The following DARS2 variants were observed in gnomAD, a reference collection of about 807,000 sequenced individuals.
DARS2 encodes the protein aspartate--tRNA ligase, mitochondrial.
DARS2 carries 63 observed loss-of-function variants against 83.0 expected under a neutral mutation model. The ratio of observed to expected loss-of-function variants is 0.76; its 90% confidence interval spans 0.62 to 0.94. The LOEUF is 0.94. DARS2 is among the 40% of genes least tolerant of loss of function. The pLI is 0.00. For missense variants in DARS2, 675 were observed against 774.4 expected (o/e 0.87, Z 1.52); for synonymous variants, 250 against 269.3 (o/e 0.93, Z 0.70).
rs1289966393 is a variant in DARS2 at position 173,829,051 on chromosome 1, G to A, written c.294+652G>A. Among the ~76,000 whole-genome samples the A allele has an allele frequency of 2.6e-5, 4 of 151,996 alleles. No individual in the cohort carries two copies. The East Asian group carries it at 7.7e-4, about 29-fold the overall frequency. Reference sequence around the variant, plus strand: ...CAGCCGTACAAAAAAGAATGAAGAAGTTCTATTCTAATAGGGAAAAAAAAA... The same window carrying A: ...CAGCCGTACAAAAAAGAATGAAGAAATTCTATTCTAATAGGGAAAAAAAAA... On this transcript the variant is annotated intron_variant, in intron 3 of 16. Coordinates refer to ENST00000649689, the MANE Select transcript of DARS2 (RefSeq NM_018122.5).
In DARS2 at chr1:173,838,184, T is replaced by C. The variant is rs1389169847; in HGVS notation, c.771-6T>C. The C allele has an allele frequency of 3.7e-6, 6 of 1,609,174 alleles. No homozygotes were observed. Among genetic ancestry groups the C allele is most frequent in the Non-Finnish European group, 3.4e-6 (4 of 1,175,574 alleles). ...TAACTCAATTAATGCTATTTCTCAA[T>C]TGTAGATATTTTCAGGTTGCCCGAT... On this transcript the variant is annotated splice_polypyrimidine_tract_variant and splice_region_variant and intron_variant, in intron 8 of 16. Coordinates refer to ENST00000649689, the MANE Select transcript of DARS2 (RefSeq NM_018122.5).
At chr1:173,833,308 C>A in intron 5 of DARS2, 68 bp from the exon 6 acceptor site, 1 of 1,437,764 alleles carries the variant, frequency 7.0e-7, no homozygotes, top group Non-Finnish European at 9.3e-7. Context: ...AATTCAAACT[C>A]TTTCTAAAGA....
chr1:173,856,574 AAC>A, intron 15 of DARS2, 90 bp from the exon 16 acceptor site: 1 of 1,162,460 alleles, frequency 8.6e-7, no homozygotes, highest in Non-Finnish European at 1.3e-6. Flanking sequence ...TTTAAAACTC[AAC>A]TTTGTTTCCC....
At chr1:173,847,604 T>C (rs1653483679) in intron 12 of DARS2, among the ~76,000 whole-genome samples, 1 of 152,192 alleles carries the variant, frequency 6.6e-6, no homozygotes, top group South Asian at 2.1e-4. Context: ...GGCATACACA[T>C]GGTTCAAAAA....
At chr1:173,841,175 G>T (rs1394809361) in intron 11 of DARS2, among the ~76,000 whole-genome samples, 1 of 152,076 alleles carries the variant, frequency 6.6e-6, no homozygotes, top group African/African-American at 2.4e-5. Flanking sequence ...AGGAGTTCAA[G>T]ACCAGCCTGG....
At chr1:173,839,631 C>T in intron 10 of DARS2, 85 bp downstream of exon 10, 1 of 1,285,872 alleles carries the variant, frequency 7.8e-7, no homozygotes, top group Non-Finnish European at 1.1e-6. Context: ...AAGTGTTACA[C>T]ACTGTTAGAT....
rs1434559813 is a variant in DARS2, at chr1:173,853,834, G to T, written c.1603G>T (p.Glu535Ter). The change falls in exon 15 of 17, where the codon GAA (glutamate) becomes TAA (stop). Residue 535 changes from glutamate (E) to a stop codon, truncating the protein, a stop_gained. Transcript: ENST00000649689. LOFTEE classifies it high-confidence loss of function. ...QHYDLVLNGN[E>*]IGGGSIRIHN... is the part of the protein sequence containing the mutation. ...CTATGACTTGGTTTTAAATGGCAAT[G>T]AAATAGGAGGTGGTTCAATTCGAAT... is the stretch of plus-strand genomic sequence containing the variant. The T allele has an allele frequency of 4.3e-6, 7 of 1,614,064 alleles. No individual in the cohort carries two copies. The highest frequency in any genetic ancestry group is 5.9e-6 in the Non-Finnish European group (7 of 1,180,052).
chr1:173,855,537 A>G (rs1420921402), intron 15 of DARS2, among the ~76,000 whole-genome samples: 4 of 152,124 alleles, frequency 2.6e-5, no homozygotes, highest in African/African-American at 4.8e-5. Flanking sequence ...TGGCATGATC[A>G]TAACTTAGGG....
intron 13 of DARS2, among the ~76,000 whole-genome samples, chr1:173,850,985 C>T (rs1240991216): frequency 6.6e-6 from 1 of 151,902 alleles, no homozygotes; most frequent in Non-Finnish European, 1.5e-5. Flanking sequence ...CGCCTGTAAT[C>T]CCAGCACTTT....
chr1:173,828,227 A>G (rs1422217702), intron 2 of DARS2, 106 bp from the exon 3 acceptor site: 7 of 1,110,052 alleles, frequency 6.3e-6, no homozygotes, highest in Non-Finnish European at 9.2e-6. Flanking sequence ...AAAAAGAAAC[A>G]TGAAAAATTG....
chr1:173,857,657 T>C lies in DARS2; in HGVS notation c.1890T>C (p.His630=). The stretch of plus-strand genomic sequence containing the variant: ...CTCCTGAGGAACTGAAGCCCTATCA[T>C]ATCCGAGTCTCCAAGCCAACAGACT... The part of the protein sequence containing the change: ...SVPPEELKPY[H]IRVSKPTDSK... Residue 630 remains histidine (H), a synonymous_variant, in exon 17 of 17, where the codon CAT becomes CAC. Transcript: ENST00000649689. The C allele has an allele frequency of 6.2e-7, 1 of 1,614,120 alleles. No individual in the cohort carries two copies. The highest frequency in any genetic ancestry group is 8.5e-7 in the Non-Finnish European group (1 of 1,180,004).
intron 5 of DARS2, among the ~76,000 whole-genome samples, chr1:173,833,022 C>A (rs983578302): frequency 6.6e-6 from 1 of 152,100 alleles, no homozygotes; most frequent in African/African-American, 2.4e-5. Flanking sequence ...AGGCACATGC[C>A]ACCATGCCCA....
intron 1 of DARS2, among the ~76,000 whole-genome samples, chr1:173,826,188 C>A (rs1652548949): frequency 6.6e-6 from 1 of 150,778 alleles, no homozygotes; most frequent in African/African-American, 2.4e-5. Flanking sequence ...CGCGCCACTG[C>A]ACTCCAGCCT....
Position 173,858,079 on chromosome 1 carries a change from C to T in DARS2, c.*374C>T. 3.6e-6 allele frequency: 1 copy of T among 277,680 alleles called. No homozygotes were observed. Among genetic ancestry groups the T allele is most frequent in the Non-Finnish European group, 7.1e-6 (1 of 141,138 alleles). The allele number at this position is 277,680 out of a possible 1,614,324, so 17.2% of individuals were successfully genotyped here. ...ATTATGTGTGAAATGTAGGAAAATG[C>T]TTGCCCCTGTAAACTAGTGAGTTGA... is the stretch of plus-strand genomic sequence containing the variant. On this transcript the variant is annotated 3_prime_UTR_variant, in exon 17 of 17. Coordinates refer to ENST00000649689, the MANE Select transcript of DARS2 (RefSeq NM_018122.5).
chr1:173,837,180 A>G (rs1653036830), intron 8 of DARS2, 134 bp downstream of exon 8: 6 of 806,526 alleles, frequency 7.4e-6, no homozygotes, highest in South Asian at 3.0e-5. Flanking sequence ...TACTTATAAA[A>G]TGCCCTCATA....
At chr1:173,842,284 CT>C (rs1178547914) in intron 11 of DARS2, among the ~76,000 whole-genome samples, 13 of 64,220 alleles carry the variant, frequency 2.0e-4, no homozygotes, top group African/African-American at 4.7e-4. Flanking sequence ...TCATTACTTT[CT>C]TTTTTTTTTT....
Position 173,849,861 on chromosome 1 carries a change from C to CTT in DARS2, c.1192-447_1192-446dup, listed in dbSNP as rs10558579. 1.9e-3 allele frequency among the ~76,000 whole-genome samples: 204 copies of CTT among 109,950 alleles called. 2 individuals carry two copies. The highest frequency in any genetic ancestry group is 2.6e-3 in the African/African-American group (75 of 28,796). 72.1% of individuals were successfully genotyped at this position (109,950 alleles called of 152,430 possible). A position where few individuals can be genotyped will look rare whatever the true frequency, so the allele number is the denominator to read the frequency against. On this transcript the variant is annotated intron_variant, in intron 12 of 16. Transcript: ENST00000649689. Reference sequence around the variant, plus strand: ...CCTTTTTTTCATTATGTTGAAATGACTTTTTTTTTTTTTTTTTTTTGAGTC... The same window carrying CTT: ...CCTTTTTTTCATTATGTTGAAATGACTTTTTTTTTTTTTTTTTTTTTTGAGTC...
chr1:173,834,760 TTTGTTTTGGGTTTTTTTTTTTG>T (rs1652931145), intron 7 of DARS2, among the ~76,000 whole-genome samples: 2 of 77,034 alleles, frequency 2.6e-5, no homozygotes, highest in African/African-American at 1.1e-4. Flanking sequence ...TTTTTTTTGG[TTTGTTTTGGGTTTTTTTTTTTG>T]TTTTTTTTTT....
At chr1:173,830,872 T>C in intron 4 of DARS2, 111 bp downstream of exon 4, 1 of 809,194 alleles carries the variant, frequency 1.2e-6, no homozygotes, top group Admixed American at 1.9e-5. Flanking sequence ...GTTGAATAAA[T>C]TCTACAAATG....
Sources: allele counts gnomAD v4.1 joint callset (sites outside exome capture counted in the v4.1 genomes callset), GRCh38; gene constraint gnomAD v4.1.1; transcripts MANE v1.5; gene names NCBI Gene and HGNC (gene_info 2026-07-23, HGNC 2026-07-21).